The following CR2 variants were observed in gnomAD, a reference collection of about 807,000 sequenced individuals.
CR2 encodes the protein complement C3d receptor 2, also known as complement receptor type 2.
In CR2, 96 loss-of-function variants were observed where a neutral mutation model predicts 123.0. That is an observed-to-expected ratio of 0.78 (90% CI 0.66 to 0.93). The LOEUF is 0.93. CR2 is among the 40% of genes least tolerant of loss of function. The pLI is 0.00. For synonymous variants in CR2, 484 were observed against 469.5 expected (o/e 1.03, Z -0.40); for missense variants, 1,258 against 1,361.0 (o/e 0.92, Z 1.19).
chr1:207,475,609 A>C (rs74469966), intron 14 of CR2, among the ~76,000 whole-genome samples: 1 of 152,354 alleles, frequency 6.6e-6, no homozygotes, highest in African/African-American at 2.4e-5. Context: ...TGGAGAATTA[A>C]TTGGCCCTCC....
Position 207,454,499 on chromosome 1 carries a change from G to A in CR2, c.58+23G>A. ...TCGGTGAGCTGGGAGGGGGAGCACGGAGGTGGGGACGCGTCCCGGGCAGGG... is the reference window on the plus strand; with the variant it reads ...TCGGTGAGCTGGGAGGGGGAGCACGAAGGTGGGGACGCGTCCCGGGCAGGG... On this transcript the variant is annotated intron_variant, in intron 1 of 19. Coordinates refer to ENST00000367057, the MANE Select transcript of CR2 (RefSeq NM_001006658.3). This position sits in a 1 kb window ranked among gnomAD's most constrained non-coding sequence, Gnocchi z 4.3. The A allele has an allele frequency of 6.6e-7, 1 of 1,520,006 alleles. No individual in the cohort carries two copies. The allele number at this position is 1,520,006 out of a possible 1,614,324, so 94.2% of individuals were successfully genotyped here.
rs371075381 is a variant in CR2, at chr1:207,466,516, T to C, written c.59-10T>C. 193 of 1,613,962 alleles carry C rather than the reference T, an allele frequency of 1.2e-4. No individual in the cohort carries two copies. The highest frequency in any genetic ancestry group is 1.5e-4 in the Non-Finnish European group (181 of 1,179,950). On this transcript the variant is annotated splice_polypyrimidine_tract_variant and intron_variant, in intron 1 of 19. Coordinates refer to ENST00000367057, the MANE Select transcript of CR2 (RefSeq NM_001006658.3). Reference sequence around the variant, plus strand: ...CAGTATGCCTACCAAGTTCCTTTTCTACTTTTCAGGGATTTCTTGTGGCTC... The same window carrying C: ...CAGTATGCCTACCAAGTTCCTTTTCCACTTTTCAGGGATTTCTTGTGGCTC...
Position 207,454,575 on chromosome 1 carries a change from G to A in CR2, c.58+99G>A. 1 of 926,490 alleles carries A rather than the reference G, an allele frequency of 1.1e-6. No individual in the cohort carries two copies. The allele number at this position is 926,490 out of a possible 1,614,324, so 57.4% of individuals were successfully genotyped here. On this transcript the variant is annotated intron_variant, in intron 1 of 19. Transcript: ENST00000367057. This position sits in a 1 kb window ranked among gnomAD's most constrained non-coding sequence, Gnocchi z 4.3. Reference sequence around the variant, plus strand: ...CAGGGGGCCAAAAGCGAGACGGTGGGGGCAGTGCTCGACGCGTGTCCGCCT... The same window carrying A: ...CAGGGGGCCAAAAGCGAGACGGTGGAGGCAGTGCTCGACGCGTGTCCGCCT...
At position 207,478,071 on chromosome 1, in the gene CR2, G is replaced by GT; in HGVS notation, c.3088+2dup. 1 of 1,613,196 alleles carries GT rather than the reference G, an allele frequency of 6.2e-7. No individual in the cohort carries two copies. Among genetic ancestry groups the GT allele is most frequent in the East Asian group, 2.2e-5 (1 of 44,786 alleles). ...CCTCCCCTGGCGGTTTGCAGATCCC[G>GT]TAAGTACCAAGGGCTTCACCGCCGC... On this transcript the variant is annotated splice_donor_variant, in intron 16 of 19. Transcript: ENST00000367057. LOFTEE classifies it high-confidence loss of function.
chr1:207,470,031 T>C lies in CR2; in HGVS notation c.1154T>C (p.Leu385Ser). ...TTTGCTTGCATGTTTGGCTTCACCT[T>C]GAAGGGCAGCAAGCAAATCCGATGC... ...VIFACMFGFT[L>S]KGSKQIRCNA... The change falls in exon 6 of 20, where the codon TTG (leucine) becomes TCG (serine). Residue 385 changes from leucine (L) to serine (S), a missense_variant. Transcript: ENST00000367057. 1 of 1,613,966 alleles carries C rather than the reference T, an allele frequency of 6.2e-7. No homozygotes were observed. The highest frequency in any genetic ancestry group is 8.5e-7 in the Non-Finnish European group (1 of 1,179,914).
Position 207,473,191 on chromosome 1 carries a change from A to G in CR2, c.1978+12A>G, listed in dbSNP as rs574894761. 2 of 1,613,200 alleles carry G rather than the reference A, an allele frequency of 1.2e-6. No homozygotes were observed. Among genetic ancestry groups the G allele is most frequent in the Non-Finnish European group, 1.7e-6 (2 of 1,179,760 alleles). ...AGTTTGTGAAAAAGGTAAAAACCCA[A>G]TAAGGGGGAAAAAAGGAGAGATTTA... is the stretch of plus-strand genomic sequence containing the variant. On this transcript the variant is annotated intron_variant, in intron 10 of 19. Transcript: ENST00000367057.
In CR2 at chr1:207,473,087, A is replaced by ACATTC; in HGVS notation, c.1886_1887insCATTC (p.Lys629AsnfsTer10). On this transcript the variant is annotated frameshift_variant, in exon 10 of 20. Coordinates refer to ENST00000367057, the MANE Select transcript of CR2 (RefSeq NM_001006658.3). LOFTEE classifies it high-confidence loss of function. ...TTCTACAATGACACTGTGACATTCA[A>ACATTC]GTGTTATAGTGGATTTACTTTGAAG... is the stretch of plus-strand genomic sequence containing the variant. The ACATTC allele has an allele frequency of 6.2e-7, 1 of 1,614,032 alleles. No individual in the cohort carries two copies. Among genetic ancestry groups the ACATTC allele is most frequent in the Non-Finnish European group, 8.5e-7 (1 of 1,179,922 alleles).
rs768387209 is a variant in CR2 at position 207,470,040 on chromosome 1, G to A, written c.1163G>A (p.Ser388Asn). The A allele has an allele frequency of 6.8e-6, 11 of 1,613,880 alleles. No individual in the cohort carries two copies. Among genetic ancestry groups the A allele is most frequent in the Admixed American group, 3.3e-5 (2 of 59,978 alleles). ...ATGTTTGGCTTCACCTTGAAGGGCA[G>A]CAAGCAAATCCGATGCAATGCCCAA... ...ACMFGFTLKG[S>N]KQIRCNAQGT... is the part of the protein sequence containing the mutation. Residue 388 changes from serine to asparagine, a missense_variant, in exon 6 of 20, where the codon AGC (serine) becomes AAC (asparagine). Ser to Asn is a conservative substitution (Grantham distance 46). Transcript: ENST00000367057.
chr1:207,467,469 A>G (rs1658134726), intron 2 of CR2, among the ~76,000 whole-genome samples: 1 of 152,134 alleles, frequency 6.6e-6, no homozygotes, highest in African/African-American at 2.4e-5. Context: ...TAAATTATTC[A>G]TTCCTTCTCT....
At position 207,454,678 on chromosome 1, in the gene CR2, C is replaced by T. The variant is rs1657785109; in HGVS notation, c.58+202C>T. ...CACTGGCCCCTCCGGGAGCTGGGAC[C>T]TCCAGAATTGGAGGCTGCGCCACAG... On this transcript the variant is annotated intron_variant, in intron 1 of 19. Transcript: ENST00000367057. This position sits in a 1 kb window ranked among gnomAD's most constrained non-coding sequence, Gnocchi z 4.3. 3 of 514,384 alleles carry T rather than the reference C, an allele frequency of 5.8e-6. No homozygotes were observed. In the South Asian group the frequency reaches 7.7e-5, roughly 13 times the overall value. 31.9% of individuals were successfully genotyped at this position (514,384 alleles called of 1,614,324 possible). A position where few individuals can be genotyped will look rare whatever the true frequency, so the allele number is the denominator to read the frequency against.
intron 15 of CR2, 28 bp downstream of exon 15, chr1:207,476,447 T>G: frequency 1.3e-6 from 2 of 1,595,686 alleles, no homozygotes; most frequent in Non-Finnish European, 1.7e-6. Flanking sequence ...TATTCTTATT[T>G]TTATATCAAA....
intron 2 of CR2, 157 bp from the exon 3 acceptor site, chr1:207,468,370 A>G: frequency 1.5e-6 from 1 of 677,768 alleles, no homozygotes; most frequent in African/African-American, 1.8e-5. Context: ...TTAGCTTATC[A>G]GCTATCATTA....
At position 207,489,681 on chromosome 1, in the gene CR2, T is replaced by C. The variant is rs1206165937; in HGVS notation, c.*558T>C. On this transcript the variant is annotated 3_prime_UTR_variant, in exon 20 of 20. Coordinates refer to ENST00000367057, the MANE Select transcript of CR2 (RefSeq NM_001006658.3). ...TGAGTTTCTCTCACATTACTGTATATACTTTGCCTTTCCATAATCACTCAG... is the reference window on the plus strand; with the variant it reads ...TGAGTTTCTCTCACATTACTGTATACACTTTGCCTTTCCATAATCACTCAG... The C allele has an allele frequency of 6.6e-6, 1 of 152,254 alleles. No individual in the cohort carries two copies. Among genetic ancestry groups the C allele is most frequent in the African/African-American group, 2.4e-5 (1 of 41,470 alleles). The allele number at this position is 152,254 out of a possible 1,614,324, so 9.4% of individuals were successfully genotyped here.
rs202077872 is a variant in CR2, at chr1:207,469,994, G to A, written c.1117G>A (p.Asp373Asn). Residue 373 changes from aspartate to asparagine, a missense_variant, in exon 6 of 20, where the codon GAC becomes AAC. Transcript: ENST00000367057. ...GCAGAAAGATCGATATACCTATAAC[G>A]ACACTGTGATATTTGCTTGCATGTT... ...SGQKDRYTYN[D>N]TVIFACMFGF... is the part of the protein sequence containing the mutation. 9.1e-5 allele frequency: 147 copies of A among 1,613,854 alleles called. No homozygotes were observed. Among genetic ancestry groups the A allele is most frequent in the Non-Finnish European group, 1.1e-4 (127 of 1,179,928 alleles).
rs182452506 is a variant in CR2, at chr1:207,483,397, G to C, written c.3189-2067G>C. On this transcript the variant is annotated intron_variant, in intron 18 of 19. Transcript: ENST00000367057. ...TTTGTTCTAGGCTGGAGGCGGGAGG[G>C]TGAGGGCTGCCTATGGGGTTCTGGC... Among the ~76,000 whole-genome samples the C allele has an allele frequency of 4.3e-4, 65 of 152,286 alleles. 2 individuals carry two copies. Among genetic ancestry groups the C allele is most frequent in the African/African-American group, 4.6e-4 (19 of 41,562 alleles).
chr1:207,458,077 C>CACACACACACACACACACACACACACAT, intron 1 of CR2, among the ~76,000 whole-genome samples: 1 of 150,196 alleles, frequency 6.7e-6, no homozygotes, highest in East Asian at 2.0e-4. Context: ...CACACACACA[C>CACACACACACACACACACACACACACAT]ACACACACAC....
At position 207,470,988 on chromosome 1, in the gene CR2, T is replaced by G; in HGVS notation, c.1403-9T>G. 1.2e-6 allele frequency: 2 copies of G among 1,613,820 alleles called. No homozygotes were observed. Among genetic ancestry groups the G allele is most frequent in the Non-Finnish European group, 1.7e-6 (2 of 1,179,822 alleles). Reference sequence around the variant, plus strand: ...TGAATTAAATTCTCATCCTAGTCTCTTTTCTTAGTGGCAGCGTGTGAAGCT... The same window carrying G: ...TGAATTAAATTCTCATCCTAGTCTCGTTTCTTAGTGGCAGCGTGTGAAGCT... On this transcript the variant is annotated splice_polypyrimidine_tract_variant and intron_variant, in intron 7 of 19. Coordinates refer to ENST00000367057, the MANE Select transcript of CR2 (RefSeq NM_001006658.3).
chr1:207,488,925 C>A lies in CR2; in HGVS notation c.*19-217C>A, dbSNP rs180685511. On this transcript the variant is annotated intron_variant, in intron 19 of 19. Transcript: ENST00000367057. ...CTTTCATTTCTCATTTAGTTTAATTCATGTTTATATGAATGTATATAAAAT... is the reference window on the plus strand; with the variant it reads ...CTTTCATTTCTCATTTAGTTTAATTAATGTTTATATGAATGTATATAAAAT... Among the ~76,000 whole-genome samples the A allele has an allele frequency of 4.6e-5, 7 of 152,234 alleles. No homozygotes were observed. In the East Asian group the frequency reaches 1.2e-3, roughly 25 times the overall value.
At chr1:207,475,953 G>A (rs1262322593) in intron 14 of CR2, among the ~76,000 whole-genome samples, 2 of 152,184 alleles carry the variant, frequency 1.3e-5, no homozygotes, top group African/African-American at 4.8e-5. Context: ...AAAGGGAAAG[G>A]AAAAGAAAAC....
Sources: allele counts gnomAD v4.1 joint callset (sites outside exome capture counted in the v4.1 genomes callset), GRCh38; gene constraint gnomAD v4.1.1; non-coding constraint Gnocchi (gnomAD v3.1); transcripts MANE v1.5; gene names NCBI Gene and HGNC (gene_info 2026-07-23, HGNC 2026-07-21).